The following SPHKAP variants were observed in gnomAD, a reference collection of about 807,000 sequenced individuals.
SPHKAP encodes SPHK1 interactor, AKAP domain containing, also known as A-kinase anchor protein SPHKAP.
In SPHKAP, 67 loss-of-function variants were observed where a neutral mutation model predicts 137.5. The ratio of observed to expected loss-of-function variants is 0.49; its 90% CI spans 0.40 to 0.60. The LOEUF (loss-of-function observed/expected upper bound fraction) is 0.60, where lower values mean the gene tolerates loss of function less well. Ranked by LOEUF, SPHKAP falls within the 20% of genes least tolerant of loss-of-function variation. The pLI, the probability that SPHKAP is intolerant of heterozygous loss-of-function variation, is 0.00. For missense variants in SPHKAP, 2,097 were observed against 2,069.3 expected, an observed-to-expected ratio of 1.01 and a Z score of -0.26; for synonymous variants, 813 against 785.3, an observed-to-expected ratio of 1.04 and a Z score of -0.59.
chr2:228,059,220 T>G (rs1043666976), intron 3 of SPHKAP, among the ~76,000 whole-genome samples: 2 of 152,202 alleles, frequency 1.3e-5, no homozygotes, highest in African/African-American at 4.8e-5. Flanking sequence ...TGCAGGTGTT[T>G]GCATGAGCAT....
intron 2 of SPHKAP, among the ~76,000 whole-genome samples, chr2:228,121,448 C>T (rs1041713278): frequency 1.3e-5 from 2 of 152,070 alleles, no homozygotes; most frequent in Middle Eastern, 3.2e-3. Context: ...CCCAGGAGTT[C>T]GAGGCCACAG....
At chr2:227,995,208 G>T (rs1377699885) in intron 8 of SPHKAP, among the ~76,000 whole-genome samples, 1 of 152,188 alleles carries the variant, frequency 6.6e-6, no homozygotes, top group African/African-American at 2.4e-5. Context: ...AGGTGTAAAA[G>T]CAGCTCACCA....
intron 11 of SPHKAP, among the ~76,000 whole-genome samples, chr2:227,989,510 C>T (rs148812559): frequency 1.9e-3 from 282 of 152,184 alleles, no homozygotes; most frequent in Middle Eastern, 6.8e-3. Context: ...GAATAGGATG[C>T]GATATCATGC....
intron 3 of SPHKAP, among the ~76,000 whole-genome samples, chr2:228,045,530 T>C (rs923758119): frequency 4.6e-5 from 7 of 151,464 alleles, no homozygotes; most frequent in Non-Finnish European, 8.8e-5. Flanking sequence ...TTCTCACTCA[T>C]AGGTGGGAAT....
At chr2:228,098,252 T>G (rs1698060214) in intron 3 of SPHKAP, among the ~76,000 whole-genome samples, 1 of 152,218 alleles carries the variant, frequency 6.6e-6, no homozygotes, top group Non-Finnish European at 1.5e-5. Flanking sequence ...GAGCATTTTT[T>G]CATATATTTG....
At chr2:227,993,309 T>TA (rs1432038545) in intron 9 of SPHKAP, among the ~76,000 whole-genome samples, 1 of 152,242 alleles carries the variant, frequency 6.6e-6, no homozygotes, top group Non-Finnish European at 1.5e-5. Flanking sequence ...TGATAAGTTT[T>TA]ATCTGAAATG....
intron 3 of SPHKAP, among the ~76,000 whole-genome samples, chr2:228,081,811 A>T (rs1486196095): frequency 6.6e-6 from 1 of 152,190 alleles, no homozygotes; most frequent in Admixed American, 6.5e-5. Context: ...GGTTGAGAAG[A>T]TGTTGGTCAA....
intron 3 of SPHKAP, among the ~76,000 whole-genome samples, chr2:228,057,484 G>C (rs1217074741): frequency 6.6e-6 from 1 of 152,138 alleles, no homozygotes; most frequent in Admixed American, 6.5e-5. Flanking sequence ...ACAACTACAA[G>C]AGAGAGTCTT....
Position 228,019,413 on chromosome 2 carries a change from T to C in SPHKAP, c.1441A>G (p.Ser481Gly). ...PEMEVSVETSSILSGENSSRQ... is the reference protein window; with the variant it reads ...PEMEVSVETSGILSGENSSRQ... Reference sequence around the variant, plus strand: ...CTGGAGTTCTCTCCAGAGAGGATGCTTGAGGTTTCAACAGAGACTTCCATC... The same window carrying C: ...CTGGAGTTCTCTCCAGAGAGGATGCCTGAGGTTTCAACAGAGACTTCCATC... Residue 481 changes from serine to glycine, a missense_variant, in exon 7 of 12, where the codon AGC (serine) becomes GGC (glycine). Ser to Gly is a moderately conservative substitution (Grantham distance 56). Transcript: ENST00000392056. The C allele has an allele frequency of 6.2e-7, 1 of 1,614,150 alleles. No homozygotes were observed. Among genetic ancestry groups the C allele is most frequent in the Non-Finnish European group, 8.5e-7 (1 of 1,180,020 alleles).
intron 7 of SPHKAP, among the ~76,000 whole-genome samples, chr2:228,001,540 A>G (rs1001010632): frequency 2.1e-5 from 3 of 144,938 alleles, no homozygotes; most frequent in African/African-American, 7.6e-5. Context: ...TATATATAAA[A>G]ATATACATAT....
At chr2:228,154,129 C>T (rs2106403343) in intron 1 of SPHKAP, among the ~76,000 whole-genome samples, 1 of 152,172 alleles carries the variant, frequency 6.6e-6, no homozygotes, top group East Asian at 1.9e-4. Flanking sequence ...TCTCTTTTCT[C>T]ACATAAATTC....
intron 1 of SPHKAP, among the ~76,000 whole-genome samples, chr2:228,143,664 CT>C (rs35440451): frequency 0.012 from 1,149 of 97,422 alleles, 8 homozygotes; most frequent in African/African-American, 0.039. Context: ...AAACACCTGG[CT>C]TTTTTTTTTT....
chr2:228,108,253 A>C (rs1056216840), intron 3 of SPHKAP, among the ~76,000 whole-genome samples: 1 of 152,214 alleles, frequency 6.6e-6, no homozygotes, highest in Non-Finnish European at 1.5e-5. Flanking sequence ...ATATTCTACA[A>C]TAATATCTAA....
intron 3 of SPHKAP, among the ~76,000 whole-genome samples, chr2:228,105,322 A>G (rs1254616071): frequency 6.6e-6 from 1 of 152,130 alleles, no homozygotes; most frequent in Non-Finnish European, 1.5e-5. Flanking sequence ...TTCAATTCCT[A>G]CCACTTACGT....
In SPHKAP at chr2:227,989,896, C is replaced by T. The variant is rs988948626; in HGVS notation, c.4959+1104G>A. The stretch of plus-strand genomic sequence containing the variant: ...CCTCCCAAAGGACTGGGATTATAGG[C>T]ATGAGCCACTGCACCTGGCCTAATC... On this transcript the variant is annotated intron_variant, in intron 11 of 11. Transcript: ENST00000392056. 2.0e-5 allele frequency among the ~76,000 whole-genome samples: 3 copies of T among 151,894 alleles called. No individual in the cohort carries two copies. In the East Asian group the frequency reaches 5.8e-4, roughly 29 times the overall value.
rs143237306 is a variant in SPHKAP at position 228,020,140 on chromosome 2, A to G, written c.714T>C (p.Asn238=). ...DESRNDYENI[N]VSANVLESKQ... is the part of the protein sequence containing the mutation. ...TACTTTCCAAAACATTGGCTGAGACATTTATATTTTCATAATCTAGTGAGG... is the reference window on the plus strand; with the variant it reads ...TACTTTCCAAAACATTGGCTGAGACGTTTATATTTTCATAATCTAGTGAGG... Residue 238 remains asparagine, a synonymous_variant, in exon 7 of 12, where the codon AAT becomes AAC. Coordinates refer to ENST00000392056, the MANE Select transcript of SPHKAP (RefSeq NM_001142644.2). 298 of 1,601,058 alleles carry G rather than the reference A, an allele frequency of 1.9e-4. No homozygotes were observed. In the African/African-American group the frequency reaches 2.9e-3, roughly 15 times the overall value.
Position 228,065,383 on chromosome 2 carries a change from A to C in SPHKAP, c.247-37840T>G, listed in dbSNP as rs575850535. On this transcript the variant is annotated intron_variant, in intron 3 of 11. Coordinates refer to ENST00000392056, the MANE Select transcript of SPHKAP (RefSeq NM_001142644.2). ...CATTGCCATGAGGTCAAGTAAGGCA[A>C]GGATTGAAAACAAGTCTATTGGTTC... Among the ~76,000 whole-genome samples, 55 of 152,322 alleles carry C rather than the reference A, an allele frequency of 3.6e-4. 1 individual carries two copies. Among genetic ancestry groups the C allele is most frequent in the Middle Eastern group, 3.4e-3 (1 of 294 alleles).
In SPHKAP at chr2:228,181,451, C is replaced by T; in HGVS notation, c.32+116G>A. ...TTTACAAGTGCAGTGACCCCTGTCTCCTCGCTGGGAGCCCCGTGCAAACCG... is the reference window on the plus strand; with the variant it reads ...TTTACAAGTGCAGTGACCCCTGTCTTCTCGCTGGGAGCCCCGTGCAAACCG... On this transcript the variant is annotated intron_variant, in intron 1 of 11. Coordinates refer to ENST00000392056, the MANE Select transcript of SPHKAP (RefSeq NM_001142644.2). This position sits in a 1 kb window ranked among gnomAD's most constrained non-coding sequence, Gnocchi z 4.3. 4 of 1,426,366 alleles carry T rather than the reference C, an allele frequency of 2.8e-6. No homozygotes were observed. The South Asian group carries it at 3.4e-5, about 12-fold the overall frequency. 88.4% of individuals were successfully genotyped at this position (1,426,366 alleles called of 1,614,324 possible). A position where few individuals can be genotyped will look rare whatever the true frequency, so the allele number is the denominator to read the frequency against.
In SPHKAP at chr2:228,017,779, G is replaced by T. The variant is rs1189548333; in HGVS notation, c.3075C>A (p.Ser1025=). 6.2e-7 allele frequency: 1 copy of T among 1,614,010 alleles called. No homozygotes were observed. The highest frequency in any genetic ancestry group is 8.5e-7 in the Non-Finnish European group (1 of 1,180,038). ...AATCTGGGACATCTTCAAGGTTCATGGACTCATCCACAACCCTGTTCATCA... is the reference window on the plus strand; with the variant it reads ...AATCTGGGACATCTTCAAGGTTCATTGACTCATCCACAACCCTGTTCATCA... ...EKLMNRVVDE[S]MNLEDVPDSV... is the part of the protein sequence containing the mutation. Residue 1025 remains serine, a synonymous_variant, in exon 7 of 12, where the codon TCC becomes TCA. Transcript: ENST00000392056.
Sources: allele counts gnomAD v4.1 joint callset (sites outside exome capture counted in the v4.1 genomes callset), GRCh38; gene constraint gnomAD v4.1.1; non-coding constraint Gnocchi (gnomAD v3.1); transcripts MANE v1.5; gene names NCBI Gene and HGNC (gene_info 2026-07-23, HGNC 2026-07-21).